PIRT: variants seen among roughly 807,000 people sequenced by gnomAD.
PIRT encodes the protein phosphoinositide interacting regulator of transient receptor potential channels, also known as phosphoinositide-interacting protein.
A neutral mutation model predicts 7.9 loss-of-function variants in PIRT; 6 were observed. That is an observed-to-expected ratio of 0.76 (90% CI 0.42 to 1.51). The LOEUF (loss-of-function observed/expected upper bound fraction) is 1.51. Ranked by LOEUF, PIRT falls within the 40% of genes most tolerant of loss-of-function variation. PIRT has a pLI of 0.01. For missense variants in PIRT, 170 were observed against 172.9 expected (o/e 0.98, Z 0.09); for synonymous variants, 78 against 71.8 (o/e 1.09, Z -0.44).
At chr17:10,829,103 G>A (rs1303495981) in intron 1 of PIRT, among the ~76,000 whole-genome samples, 1 of 152,222 alleles carries the variant, frequency 6.6e-6, no homozygotes, top group Non-Finnish European at 1.5e-5. Context: ...ACCTTGTGCT[G>A]CTTACTGCAA....
chr17:10,833,064 A>C (rs1441483301), intron 1 of PIRT, among the ~76,000 whole-genome samples: 1 of 152,236 alleles, frequency 6.6e-6, no homozygotes, highest in East Asian at 1.9e-4. Context: ...AAGAGGGTGG[A>C]AAAAACACAG....
intron 1 of PIRT, among the ~76,000 whole-genome samples, chr17:10,827,666 G>C (rs1905366786): frequency 6.6e-6 from 1 of 151,044 alleles, no homozygotes; most frequent in Non-Finnish European, 1.5e-5. Flanking sequence ...GTAGGGACAG[G>C]GTTTCACCAT....
At chr17:10,827,446 TTTTC>T (rs1465444566) in intron 1 of PIRT, among the ~76,000 whole-genome samples, 1 of 147,952 alleles carries the variant, frequency 6.8e-6, no homozygotes, top group Non-Finnish European at 1.5e-5. Flanking sequence ...CATTTCTTTC[TTTTC>T]TTTCTTTTTC....
chr17:10,828,107 C>T (rs902271743), intron 1 of PIRT, among the ~76,000 whole-genome samples: 1 of 152,208 alleles, frequency 6.6e-6, no homozygotes, highest in East Asian at 1.9e-4. Context: ...ACAGGACCTG[C>T]TCCACTTATA....
intron 1 of PIRT, among the ~76,000 whole-genome samples, chr17:10,830,883 G>A (rs1439176806): frequency 1.3e-5 from 2 of 152,154 alleles, no homozygotes; most frequent in African/African-American, 2.4e-5. Flanking sequence ...TGTATTGTAG[G>A]ATAGTTAGCA....
chr17:10,826,874 G>A (rs921856598), intron 1 of PIRT, among the ~76,000 whole-genome samples: 4 of 152,010 alleles, frequency 2.6e-5, no homozygotes, highest in East Asian at 1.9e-4. Context: ...GTGCAATGGC[G>A]TGATCTCAGC....
chr17:10,830,233 A>G (rs1428428832), intron 1 of PIRT, among the ~76,000 whole-genome samples: 2 of 152,224 alleles, frequency 1.3e-5, no homozygotes, highest in Non-Finnish European at 2.9e-5. Flanking sequence ...GGCAAGGAGC[A>G]TCTATAAACA....
intron 1 of PIRT, among the ~76,000 whole-genome samples, chr17:10,830,406 T>C (rs1905435891): frequency 6.6e-6 from 1 of 152,158 alleles, no homozygotes; most frequent in Non-Finnish European, 1.5e-5. Flanking sequence ...TTGAACACAG[T>C]TTGCCACTTA....
chr17:10,832,376 A>G (rs1905482651), intron 1 of PIRT, among the ~76,000 whole-genome samples: 1 of 152,056 alleles, frequency 6.6e-6, no homozygotes, highest in Admixed American at 6.5e-5. Flanking sequence ...ATTTTTTAGT[A>G]GAGATGGGGT....
intron 1 of PIRT, among the ~76,000 whole-genome samples, chr17:10,826,738 A>G (rs1905326979): frequency 6.6e-6 from 1 of 152,222 alleles, no homozygotes; most frequent in Non-Finnish European, 1.5e-5. Context: ...TAGTCTGGAG[A>G]ACACCGTTTC....
chr17:10,825,589 G>C lies in PIRT; in HGVS notation c.57C>G (p.Ala19=). ...CGGTCTGGCTGGGCAGCAGGTCCTT[G>C]GCTTCTGGAGACTTCTCATCGACCT... is the stretch of plus-strand genomic sequence containing the variant. ...VLEVDEKSPE[A]KDLLPSQTAS... Residue 19 remains alanine, a synonymous_variant, in exon 2 of 2, where the codon GCC becomes GCG. Transcript: ENST00000580256. 6.4e-7 allele frequency: 1 copy of C among 1,563,124 alleles called. No individual in the cohort carries two copies. Among genetic ancestry groups the C allele is most frequent in the South Asian group, 1.2e-5 (1 of 84,312 alleles).
At position 10,837,982 on chromosome 17, in the gene PIRT, A is replaced by T. The variant is rs925808925; in HGVS notation, c.-176T>A. 1 of 152,268 alleles carries T rather than the reference A, an allele frequency of 6.6e-6. No homozygotes were observed. The highest frequency in any genetic ancestry group is 1.5e-5 in the Non-Finnish European group (1 of 68,096). The allele number at this position is 152,268 out of a possible 1,614,324, so 9.4% of individuals were successfully genotyped here. A position where few individuals can be genotyped will look rare whatever the true frequency, so the allele number is the denominator to read the frequency against. On this transcript the variant is annotated 5_prime_UTR_variant, in exon 1 of 2. Coordinates refer to ENST00000580256, the MANE Select transcript of PIRT (RefSeq NM_001101387.2). ...CCCAGGGGAGGATGGGGGACCTGGG[A>T]ATCACTTGGTGCTCGTGCAAGGAGG... is the stretch of plus-strand genomic sequence containing the variant.
chr17:10,831,035 C>A (rs1905450822), intron 1 of PIRT, among the ~76,000 whole-genome samples: 1 of 152,172 alleles, frequency 6.6e-6, no homozygotes, highest in African/African-American at 2.4e-5. Context: ...GCTGCTCTGG[C>A]CAGCCTTTCC....
intron 1 of PIRT, among the ~76,000 whole-genome samples, chr17:10,835,031 G>A (rs1042159613): frequency 6.6e-6 from 1 of 151,994 alleles, no homozygotes; most frequent in African/African-American, 2.4e-5. Context: ...TAGGATGGAA[G>A]TAGCTCACAA....
chr17:10,824,398 T>C lies in PIRT; in HGVS notation c.*834A>G, dbSNP rs1346103356. On this transcript the variant is annotated 3_prime_UTR_variant, in exon 2 of 2. Transcript: ENST00000580256. The stretch of plus-strand genomic sequence containing the variant: ...CAACCTTACAGGATCCCTCTGTATC[T>C]TTCCATTTAGCTGTTCTAGATGCAG... 1 of 152,214 alleles carries C rather than the reference T, an allele frequency of 6.6e-6. No individual in the cohort carries two copies. The highest frequency in any genetic ancestry group is 1.5e-5 in the Non-Finnish European group (1 of 68,042). The allele number at this position is 152,214 out of a possible 1,614,324, so 9.4% of individuals were successfully genotyped here.
chr17:10,827,678 T>C (rs1434298376), intron 1 of PIRT, among the ~76,000 whole-genome samples: 1 of 151,900 alleles, frequency 6.6e-6, no homozygotes, highest in Non-Finnish European at 1.5e-5. Context: ...TTTCACCATG[T>C]TGGTCAGGCT....
intron 1 of PIRT, among the ~76,000 whole-genome samples, chr17:10,834,882 G>C (rs917454735): frequency 6.7e-6 from 1 of 149,906 alleles, no homozygotes; most frequent in East Asian, 1.9e-4. Context: ...GAGCCACTGC[G>C]CCCAGCGTTG....
chr17:10,825,221 G>A lies in PIRT; in HGVS notation c.*11C>T, dbSNP rs773906379. On this transcript the variant is annotated 3_prime_UTR_variant, in exon 2 of 2. Coordinates refer to ENST00000580256, the MANE Select transcript of PIRT (RefSeq NM_001101387.2). ...CCCAGTCAAGGTGGCAGGGAGATGC[G>A]GAAACCACCATCAGCGAGTCAGGAA... 217 of 1,611,518 alleles carry A rather than the reference G, an allele frequency of 1.3e-4. No homozygotes were observed. Among genetic ancestry groups the A allele is most frequent in the Non-Finnish European group, 1.7e-4 (202 of 1,178,218 alleles).
Position 10,825,536 on chromosome 17 carries a change from C to T in PIRT, c.110G>A (p.Ser37Asn), listed in dbSNP as rs1211623274. ...GGGGGTGGTGGTCCAGACAGACTCG[C>T]TCCTGGAGCTGATGCACAGGGAGCT... ...TASSLCISSR[S>N]ESVWTTTPRS... The change falls in exon 2 of 2, where the codon AGC (serine) becomes AAC (asparagine). Residue 37 changes from serine to asparagine, a missense_variant. Physicochemically the swap from Ser to Asn is conservative, Grantham distance 46 (BLOSUM62 1). Coordinates refer to ENST00000580256, the MANE Select transcript of PIRT (RefSeq NM_001101387.2). The T allele has an allele frequency of 6.2e-7, 1 of 1,611,224 alleles. No individual in the cohort carries two copies. The highest frequency in any genetic ancestry group is 1.3e-5 in the African/African-American group (1 of 75,018).
Sources: gnomAD v4.1 joint callset for allele counts (sites outside exome capture counted in the v4.1 genomes callset) on GRCh38, gnomAD v4.1.1 for gene constraint, MANE v1.5 for transcripts, NCBI Gene and HGNC (gene_info 2026-07-23, HGNC 2026-07-21) for gene names.